HEG1: variants seen among roughly 807,000 people sequenced by gnomAD.
The protein encoded by HEG1 is protein HEG homolog 1.
In HEG1, 56 loss-of-function variants were observed where a neutral mutation model predicts 125.6. The observed-to-expected ratio is 0.45, with a 90% CI of 0.36 to 0.56. The LOEUF is 0.56. HEG1 is among the 20% of genes least tolerant of loss of function. HEG1 has a pLI of 0.00. For missense variants in HEG1, 1,523 were observed against 1,670.0 expected, an observed-to-expected ratio of 0.91 and a Z score of 1.53; for synonymous variants, 644 against 668.5, an observed-to-expected ratio of 0.96 and a Z score of 0.57.
chr3:125,043,492 A>G (rs77828526), intron 1 of HEG1, among the ~76,000 whole-genome samples: 1 of 152,172 alleles, frequency 6.6e-6, no homozygotes, highest in Non-Finnish European at 1.5e-5. Context: ...TGGTTAAATA[A>G]GTGAACAAAA....
chr3:124,974,142 T>C (rs1425154550), intron 15 of HEG1, among the ~76,000 whole-genome samples: 1 of 151,956 alleles, frequency 6.6e-6, no homozygotes, highest in East Asian at 1.9e-4. Context: ...GGCCAGATTA[T>C]CAGGGGGTAG....
At chr3:124,987,429 G>A (rs1417921901) in intron 14 of HEG1, among the ~76,000 whole-genome samples, 2 of 152,038 alleles carry the variant, frequency 1.3e-5, no homozygotes, top group Non-Finnish European at 2.9e-5. Flanking sequence ...TCTGCCATCA[G>A]GTGGGATTGC....
intron 4 of HEG1, 109 bp from the exon 5 acceptor site, chr3:125,019,706 G>T: frequency 1.3e-6 from 1 of 795,064 alleles, no homozygotes; most frequent in East Asian, 2.5e-5. Flanking sequence ...AAGGAACCTG[G>T]TATAGTGTTT....
chr3:125,027,427 C>T lies in HEG1; in HGVS notation c.691G>A (p.Ala231Thr), dbSNP rs759177087. 1.2e-6 allele frequency: 2 copies of T among 1,613,986 alleles called. No individual in the cohort carries two copies. The highest frequency in any genetic ancestry group is 1.7e-6 in the Non-Finnish European group (2 of 1,179,884). ...GCCCTCTCTGTTCCCATCTCCGAGG[C>T]TGTTCCACTCTTTGTTTGAAAAGCG... is the stretch of plus-strand genomic sequence containing the variant. ...IAAFQTKSGT[A>T]SEMGTERAMG... The change falls in exon 3 of 17, where the codon GCC (alanine) becomes ACC (threonine). Residue 231 changes from alanine to threonine, a missense_variant. Physicochemically the swap from Ala to Thr is moderately conservative, Grantham distance 58. Transcript: ENST00000311127.
At chr3:124,994,467 T>TTCA (rs1414310189) in intron 12 of HEG1, among the ~76,000 whole-genome samples, 7 of 152,112 alleles carry the variant, frequency 4.6e-5, no homozygotes, top group Non-Finnish European at 8.8e-5. Context: ...TGAATTCAAG[T>TTCA]CTTCTGGACT....
Position 125,027,230 on chromosome 3 carries a change from G to A in HEG1, c.888C>T (p.Ser296=), listed in dbSNP as rs1157225695. The change falls in exon 3 of 17, where the codon TCC becomes TCT. Residue 296 remains serine, a synonymous_variant. Coordinates refer to ENST00000311127, the MANE Select transcript of HEG1 (RefSeq NM_020733.2). The part of the protein sequence containing the change: ...SWLHFYRTAA[S]SPLLDLSSSS... The stretch of plus-strand genomic sequence containing the variant: ...ATGAGGAAAGGTCTAAGAGAGGAGA[G>A]GAAGCTGCTGTCCTGTAGAAATGCA... 10 of 1,609,436 alleles carry A rather than the reference G, an allele frequency of 6.2e-6. No individual in the cohort carries two copies. Among genetic ancestry groups the A allele is most frequent in the Non-Finnish European group, 8.5e-6 (10 of 1,178,020 alleles).
intron 6 of HEG1, among the ~76,000 whole-genome samples, chr3:125,011,699 C>T (rs1937158926): frequency 6.6e-6 from 1 of 152,176 alleles, no homozygotes; most frequent in African/African-American, 2.4e-5. Flanking sequence ...CAGGTTGGAA[C>T]TGTGCTGCTC....
Position 124,970,530 on chromosome 3 carries a change from T to C in HEG1, c.*122A>G. On this transcript the variant is annotated 3_prime_UTR_variant, in exon 17 of 17. Transcript: ENST00000311127. ...TGGTCACGCCCCGCATGCCTGTCCCTCTTCCTGCTTGCCACTCAGCGTGGC... is the reference window on the plus strand; with the variant it reads ...TGGTCACGCCCCGCATGCCTGTCCCCCTTCCTGCTTGCCACTCAGCGTGGC... The C allele has an allele frequency of 7.3e-6, 6 of 819,044 alleles. No homozygotes were observed. Among genetic ancestry groups the C allele is most frequent in the Non-Finnish European group, 1.1e-5 (6 of 524,574 alleles). The allele number at this position is 819,044 out of a possible 1,614,324, so 50.7% of individuals were successfully genotyped here.
Position 125,013,258 on chromosome 3 carries a change from T to G in HEG1, c.2321A>C (p.Gln774Pro), listed in dbSNP as rs141048182. ...GCTCTGGCTCTTAAGGTCTGCAGTT[T>G]GACTACTATGGAGCATTGTCATGAA... ...TSFMTMLHSS[Q>P]TADLKSQSTP... Residue 774 changes from glutamine to proline, a missense_variant, in exon 6 of 17, where the codon CAA (glutamine) becomes CCA (proline). Physicochemically the swap from Gln to Pro is moderately conservative, Grantham distance 76. Transcript: ENST00000311127. The G allele has an allele frequency of 1.5e-4, 237 of 1,614,020 alleles. No homozygotes were observed. The African/African-American group carries it at 2.7e-3, about 19-fold the overall frequency.
rs1353827096 is a variant in HEG1, at chr3:125,027,417, A to G, written c.701T>C (p.Met234Thr). 1 of 1,613,840 alleles carries G rather than the reference A, an allele frequency of 6.2e-7. No homozygotes were observed. The highest frequency in any genetic ancestry group is 1.3e-5 in the African/African-American group (1 of 74,898). Residue 234 changes from methionine to threonine, a missense_variant, in exon 3 of 17, where the codon ATG (methionine) becomes ACG (threonine). Met to Thr is a moderately conservative substitution (Grantham distance 81). Transcript: ENST00000311127. ...FQTKSGTASE[M>T]GTERAMGLSE... ...CAGCCCCATCGCCCTCTCTGTTCCCATCTCCGAGGCTGTTCCACTCTTTGT... is the reference window on the plus strand; with the variant it reads ...CAGCCCCATCGCCCTCTCTGTTCCCGTCTCCGAGGCTGTTCCACTCTTTGT...
At chr3:124,991,859 C>T (rs1936838833) in intron 12 of HEG1, among the ~76,000 whole-genome samples, 1 of 152,244 alleles carries the variant, frequency 6.6e-6, no homozygotes, top group South Asian at 2.1e-4. Context: ...ATCCGCCCTC[C>T]TCGGCCTCCC....
At chr3:124,972,992 T>G (rs11922441) in intron 16 of HEG1, among the ~76,000 whole-genome samples, 8 of 149,886 alleles carry the variant, frequency 5.3e-5, no homozygotes, top group African/African-American at 1.7e-4. Flanking sequence ...AGTTGGTTTT[T>G]TTGTTGTTGT....
At chr3:124,991,174 G>A (rs1203807749) in intron 12 of HEG1, among the ~76,000 whole-genome samples, 188 bp from the exon 13 acceptor site, 1 of 145,878 alleles carries the variant, frequency 6.9e-6, no homozygotes, top group Non-Finnish European at 1.5e-5. Context: ...TTCTGAGATA[G>A]AGTCTCGCTC....
In HEG1 at chr3:125,019,380, G is replaced by A; in HGVS notation, c.1470C>T (p.Asp490=). The A allele has an allele frequency of 6.2e-7, 1 of 1,614,012 alleles. No homozygotes were observed. The change falls in exon 5 of 17, where the codon GAC becomes GAT. Residue 490 remains aspartate, a synonymous_variant. Transcript: ENST00000311127. ...GACTTCCTCCAGACTGTACAGTAGAGTCTGAGAACTGGGTCAACACTGAAG... is the reference window on the plus strand; with the variant it reads ...GACTTCCTCCAGACTGTACAGTAGAATCTGAGAACTGGGTCAACACTGAAG... ...VNASVLTQFS[D]STVQSGGSHT...
At chr3:124,977,830 G>C in intron 15 of HEG1, 29 bp downstream of exon 15, 1 of 1,451,436 alleles carries the variant, frequency 6.9e-7, no homozygotes, top group Non-Finnish European at 9.5e-7. Context: ...CAAAGGAACG[G>C]GATTGGAACC....
At position 125,012,934 on chromosome 3, in the gene HEG1, G is replaced by A. The variant is rs752436571; in HGVS notation, c.2645C>T (p.Ser882Leu). The A allele has an allele frequency of 7.4e-6, 12 of 1,613,940 alleles. No individual in the cohort carries two copies. The highest frequency in any genetic ancestry group is 1.6e-4 in the Middle Eastern group (1 of 6,084). ...AACTAGTATTTCAGGATGGGTCAGC[G>A]AGAGCTGTTTTCCAGCTGTAGTCTG... Reference protein sequence around the residue: ...AVQTTAGKQLSLTHPEILVPQ... With the variant: ...AVQTTAGKQLLLTHPEILVPQ... Residue 882 changes from serine (S) to leucine (L), a missense_variant, in exon 6 of 17, where the codon TCG becomes TTG. Transcript: ENST00000311127.
rs1936346632 is a variant in HEG1, at chr3:124,967,910, C to T, written c.*2742G>A. ...AAGACCCTCTGGAGCTTAAACCAAA[C>T]CACTGATGCCAGGGAGCCAGCCAGC... is the stretch of plus-strand genomic sequence containing the variant. On this transcript the variant is annotated 3_prime_UTR_variant, in exon 17 of 17. Coordinates refer to ENST00000311127, the MANE Select transcript of HEG1 (RefSeq NM_020733.2). 6.6e-6 allele frequency: 1 copy of T among 152,364 alleles called. No homozygotes were observed. Among genetic ancestry groups the T allele is most frequent in the African/African-American group, 2.4e-5 (1 of 41,446 alleles). The allele number at this position is 152,364 out of a possible 1,614,324, so 9.4% of individuals were successfully genotyped here.
At chr3:125,055,182 T>C (rs1236545453) in intron 1 of HEG1, among the ~76,000 whole-genome samples, 1 of 152,232 alleles carries the variant, frequency 6.6e-6, no homozygotes, top group Non-Finnish European at 1.5e-5. Context: ...AGTCGAGCCC[T>C]GTACCTGGAG....
intron 10 of HEG1, 60 bp downstream of exon 10, chr3:125,002,197 T>G: frequency 1.9e-6 from 3 of 1,555,730 alleles, no homozygotes; most frequent in Non-Finnish European, 2.7e-6. Context: ...ATCACCCATG[T>G]TAGAACAGCC....
Sources: gnomAD v4.1 joint callset for allele counts (sites outside exome capture counted in the v4.1 genomes callset) on GRCh38, gnomAD v4.1.1 for gene constraint, MANE v1.5 for transcripts, NCBI Gene and HGNC (gene_info 2026-07-23, HGNC 2026-07-21) for gene names.